The following PRH1 variants were observed in gnomAD, a reference collection of about 807,000 sequenced individuals.
PRH1 encodes the protein salivary acidic proline-rich phosphoprotein 1/2.
Under a neutral mutation model 7.9 loss-of-function variants are expected in PRH1, and 7 were observed. The ratio of observed to expected loss-of-function variants is 0.89; its 90% CI spans 0.50 to 1.67. PRH1 has a LOEUF of 1.67. Ranked by LOEUF, PRH1 falls within the 40% of genes most tolerant of loss-of-function variation. The pLI, the probability that PRH1 is intolerant of heterozygous loss-of-function variation, is 0.00. For synonymous variants in PRH1, 45 were observed against 80.8 expected (o/e 0.56, Z 2.38); for missense variants, 109 against 223.6 (o/e 0.49, Z 3.27).
At chr12:10,987,542 A>AAG (rs143040427) in intron 1 of PRH1, among the ~76,000 whole-genome samples, 3,344 of 147,462 alleles carry the variant, frequency 0.023, 44 homozygotes, top group African/African-American at 0.041. Context: ...CAAACACAGA[A>AAG]AGAGAGAGAG....
chr12:11,016,674 A>T (rs1941312319), intron 1 of PRH1, among the ~76,000 whole-genome samples: 1 of 152,216 alleles, frequency 6.6e-6, no homozygotes, highest in African/African-American at 2.4e-5. Flanking sequence ...GATGCTACCT[A>T]GAGTTTTGAC....
intron 1 of PRH1, among the ~76,000 whole-genome samples, chr12:10,988,223 G>A (rs568763726): frequency 6.6e-6 from 1 of 152,146 alleles, no homozygotes; most frequent in East Asian, 1.9e-4. Flanking sequence ...AATATCTAAC[G>A]TAGTTTTGGA....
At chr12:10,952,804 G>A (rs1937749857) in intron 2 of PRH1, among the ~76,000 whole-genome samples, 1 of 152,128 alleles carries the variant, frequency 6.6e-6, no homozygotes, top group Non-Finnish European at 1.5e-5. Context: ...CCCCATCCCG[G>A]TCCAAGAGCC....
At chr12:10,956,537 C>A (rs1011080384) in intron 2 of PRH1, among the ~76,000 whole-genome samples, 3 of 152,100 alleles carry the variant, frequency 2.0e-5, no homozygotes, top group Admixed American at 2.0e-4. Context: ...TCTCTCACCA[C>A]TCTTATTCAA....
intron 1 of PRH1, among the ~76,000 whole-genome samples, chr12:11,043,548 A>G (rs1327742819): frequency 1.3e-5 from 2 of 152,200 alleles, no homozygotes; most frequent in Admixed American, 1.3e-4. Flanking sequence ...TAAAACCTGA[A>G]GACTGTACCA....
intron 2 of PRH1, chr12:10,895,970 G>A (rs557429351): frequency 6.6e-6 from 1 of 152,222 alleles, no homozygotes; most frequent in Non-Finnish European, 1.5e-5. Context: ...CCAAAGGAGT[G>A]ACTTCTTTCT....
At chr12:11,145,588 A>T (rs1463073890) in intron 1 of PRH1, among the ~76,000 whole-genome samples, 1 of 152,246 alleles carries the variant, frequency 6.6e-6, no homozygotes, top group African/African-American at 2.4e-5. Flanking sequence ...TAGAATTAAA[A>T]GGTATTTTCT....
chr12:11,011,153 A>C (rs189303246), intron 1 of PRH1, among the ~76,000 whole-genome samples: 73 of 152,244 alleles, frequency 4.8e-4, no homozygotes, highest in Non-Finnish European at 9.9e-4. Context: ...GCACAAAAAA[A>C]GATTGGTAAT....
chr12:10,889,449 C>A (rs994989308), intron 2 of PRH1, among the ~76,000 whole-genome samples: 2 of 151,986 alleles, frequency 1.3e-5, no homozygotes, highest in Non-Finnish European at 2.9e-5. Flanking sequence ...AATATTTTGT[C>A]TTTAATTTTC....
chr12:10,932,128 G>A (rs1854118941), intron 2 of PRH1: 3 of 345,862 alleles, frequency 8.7e-6, no homozygotes, highest in African/African-American at 2.1e-5. Context: ...GAGGGCAAAA[G>A]GATGGTTTTG....
chr12:11,061,093 A>G (rs761399009), intron 1 of PRH1, among the ~76,000 whole-genome samples: 11 of 152,148 alleles, frequency 7.2e-5, no homozygotes, highest in Non-Finnish European at 4.4e-5. Flanking sequence ...AATTTTTGTC[A>G]TATTTTGTAT....
At chr12:11,157,348 CTTAATAT>C (rs1176223582) in intron 1 of PRH1, among the ~76,000 whole-genome samples, 3 of 152,130 alleles carry the variant, frequency 2.0e-5, no homozygotes, top group Non-Finnish European at 4.4e-5. Flanking sequence ...TATAACATGG[CTTAATAT>C]TTAAGTAGTC....
chr12:10,993,151 A>T (rs1268159644), intron 1 of PRH1, among the ~76,000 whole-genome samples: 7 of 152,202 alleles, frequency 4.6e-5, no homozygotes, highest in African/African-American at 1.7e-4. Context: ...AGGATGTGGT[A>T]CCTTCACTGA....
intron 2 of PRH1, among the ~76,000 whole-genome samples, chr12:10,935,150 A>G (rs1038315220): frequency 1.3e-5 from 2 of 152,120 alleles, no homozygotes; most frequent in Non-Finnish European, 1.5e-5. Flanking sequence ...TTATCAATTA[A>G]TTGTTTGCAA....
chr12:11,002,755 C>G (rs1422083043), intron 1 of PRH1, among the ~76,000 whole-genome samples: 1 of 151,968 alleles, frequency 6.6e-6, no homozygotes, highest in Non-Finnish European at 1.5e-5. Context: ...TATAGCTTAA[C>G]AGTTATCTTT....
intron 1 of PRH1, among the ~76,000 whole-genome samples, chr12:11,114,558 AC>A (rs1430736144): frequency 5.9e-5 from 9 of 152,162 alleles, no homozygotes; most frequent in African/African-American, 2.2e-4. Context: ...AATGTAGATG[AC>A]GGGTTGATGG....
intron 2 of PRH1, among the ~76,000 whole-genome samples, chr12:10,903,932 A>AAAAAAAAAAAAAAAAAAAAAC (rs1949762200): frequency 9.9e-6 from 1 of 101,394 alleles, no homozygotes; most frequent in Admixed American, 9.2e-5. Flanking sequence ...CAATAGCCTC[A>AAAAAAAAAAAAAAAAAAAAAC]AAAAAAAAAA....
chr12:11,137,439 C>G (rs1433005654), intron 1 of PRH1, among the ~76,000 whole-genome samples: 4 of 152,202 alleles, frequency 2.6e-5, no homozygotes, highest in African/African-American at 9.6e-5. Context: ...TCCATCATCA[C>G]TCACTCAAGT....
At chr12:11,074,223 G>A (rs1565625101) in intron 1 of PRH1, among the ~76,000 whole-genome samples, 2 of 81,200 alleles carry the variant, frequency 2.5e-5, no homozygotes, top group African/African-American at 6.6e-5. Flanking sequence ...ATTAAAAAGA[G>A]CACAGTCTGA....
Sources: gnomAD v4.1 joint callset for allele counts (sites outside exome capture counted in the v4.1 genomes callset) on GRCh38, gnomAD v4.1.1 for gene constraint, MANE v1.5 for transcripts, NCBI Gene and HGNC (gene_info 2026-07-23, HGNC 2026-07-21) for gene names.